KCNK17: variants seen among roughly 807,000 people sequenced by gnomAD.
The protein encoded by KCNK17 is potassium channel subfamily K member 17.
In KCNK17, 27 loss-of-function variants were observed where a neutral mutation model predicts 24.6. The ratio of observed to expected loss-of-function variants is 1.10; its 90% CI spans 0.81 to 1.51. The LOEUF (loss-of-function observed/expected upper bound fraction) is 1.51, where lower values mean the gene tolerates loss of function less well. Among genes scored for constraint, KCNK17 ranks in the 40% most tolerant of loss-of-function variants. KCNK17 has a pLI of 0.00. For missense variants in KCNK17, 450 were observed against 436.6 expected, an observed-to-expected ratio of 1.03 and a Z score of -0.27; for synonymous variants, 181 against 189.8, an observed-to-expected ratio of 0.95 and a Z score of 0.38.
intron 2 of KCNK17, among the ~76,000 whole-genome samples, chr6:39,307,191 G>T (rs1462551679): frequency 6.6e-6 from 1 of 152,176 alleles, no homozygotes; most frequent in Non-Finnish European, 1.5e-5. Flanking sequence ...GGGTAATGAT[G>T]AAATGAGGAA....
rs927890493 is a variant in KCNK17 at position 39,303,950 on chromosome 6, C to G, written c.688+7G>C. ...TCCCCGCCAGCCCAACCGCCAGGAA[C>G]TCTCACCAATCACGTAGTCGCCGAA... On this transcript the variant is annotated splice_region_variant and intron_variant, in intron 4 of 4. Coordinates refer to ENST00000373231, the MANE Select transcript of KCNK17 (RefSeq NM_031460.4). 1.9e-6 allele frequency: 3 copies of G among 1,610,512 alleles called. No individual in the cohort carries two copies. The highest frequency in any genetic ancestry group is 2.7e-5 in the African/African-American group (2 of 74,906).
At chr6:39,300,260 C>T (rs886160738) in intron 4 of KCNK17, 2 of 553,758 alleles carry the variant, frequency 3.6e-6, no homozygotes, top group African/African-American at 1.9e-5. Context: ...GTAGCCGGGA[C>T]TACAGGCGCC....
Position 39,304,078 on chromosome 6 carries a change from G to A in KCNK17, c.567C>T (p.Leu189=), listed in dbSNP as rs570748328. 12 of 1,612,696 alleles carry A rather than the reference G, an allele frequency of 7.4e-6. No individual in the cohort carries two copies. The Admixed American group carries it at 1.8e-4, about 25-fold the overall frequency. ...LAGSGALLSG[L]LLFLLLPPLL... ...GCGGTGGCAGCAGCAGGAAGAGCAG[G>A]AGGCCCGAGAGGAGGGCGCCAGAGC... The change falls in exon 4 of 5, where the codon CTC becomes CTT. Residue 189 remains leucine (L), a synonymous_variant. Coordinates refer to ENST00000373231, the MANE Select transcript of KCNK17 (RefSeq NM_031460.4).
At chr6:39,303,380 C>T (rs1761976569) in intron 4 of KCNK17, among the ~76,000 whole-genome samples, 3 of 152,246 alleles carry the variant, frequency 2.0e-5, no homozygotes, top group Admixed American at 6.5e-5. Flanking sequence ...GGGCATCGGA[C>T]TCAGCCTGAT....
intron 4 of KCNK17, among the ~76,000 whole-genome samples, chr6:39,300,022 T>A (rs1319007952): frequency 2.0e-5 from 3 of 152,212 alleles, no homozygotes; most frequent in Admixed American, 6.5e-5. Flanking sequence ...GCCGGCAGCA[T>A]CAGCATCCCT....
At position 39,304,555 on chromosome 6, in the gene KCNK17, C is replaced by T; in HGVS notation, c.453G>A (p.Leu151=). 1.2e-6 allele frequency: 2 copies of T among 1,614,180 alleles called. No homozygotes were observed. The highest frequency in any genetic ancestry group is 2.2e-5 in the East Asian group (1 of 44,876). Reference sequence around the variant, plus strand: ...TTACTCCCTGCTGCATGAGATGCCCCAGTCGGTTGAGCACCACGAGGTTGA... The same window carrying T: ...TTACTCCCTGCTGCATGAGATGCCCTAGTCGGTTGAGCACCACGAGGTTGA... ...IPLNLVVLNR[L]GHLMQQGVNH... is the part of the protein sequence containing the mutation. The change falls in exon 3 of 5, where the codon CTG becomes CTA. Residue 151 remains leucine (L), a synonymous_variant. Transcript: ENST00000373231.
At chr6:39,308,884 G>A (rs1762081524) in intron 2 of KCNK17, among the ~76,000 whole-genome samples, 1 of 152,164 alleles carries the variant, frequency 6.6e-6, no homozygotes, top group South Asian at 2.1e-4. Flanking sequence ...TACCTCCCAT[G>A]TGTAAGTGCA....
rs947712221 is a variant in KCNK17 at position 39,314,357 on chromosome 6, G to T, written c.-37C>A. ...CGGGGAGCCGGCGCCGGGAGCGGTG[G>T]ACTAGGACCCGGTGGGAGGGAAGGG... On this transcript the variant is annotated 5_prime_UTR_variant, in exon 1 of 5. Transcript: ENST00000373231. 10 of 1,346,790 alleles carry T rather than the reference G, an allele frequency of 7.4e-6. No individual in the cohort carries two copies. The African/African-American group carries it at 1.4e-4, about 19-fold the overall frequency. 83.4% of individuals were successfully genotyped at this position (1,346,790 alleles called of 1,614,324 possible). A position where few individuals can be genotyped will look rare whatever the true frequency, so the allele number is the denominator to read the frequency against.
intron 4 of KCNK17, among the ~76,000 whole-genome samples, chr6:39,301,531 G>A (rs924912606): frequency 6.6e-6 from 1 of 152,246 alleles, no homozygotes; most frequent in Non-Finnish European, 1.5e-5. Flanking sequence ...TCCTAAATGA[G>A]ATCAGGCACT....
intron 2 of KCNK17, among the ~76,000 whole-genome samples, chr6:39,305,656 TGATTA>T (rs1382460740): frequency 6.6e-6 from 1 of 152,222 alleles, no homozygotes; most frequent in Non-Finnish European, 1.5e-5. Context: ...AATGCAAAAC[TGATTA>T]GATCATCATT....
rs11752926 is a variant in KCNK17 at position 39,304,671 on chromosome 6, G to T, written c.353-16C>A. ...TTGCCATAGCCTGAGGTGAGAGGGG[G>T]CACTCAGGGGACATTTCCAGCCCAG... On this transcript the variant is annotated splice_polypyrimidine_tract_variant and intron_variant, in intron 2 of 4. Transcript: ENST00000373231. The T allele has an allele frequency of 0.013, 20,629 of 1,602,586 alleles. 166 individuals are homozygous for T. Among genetic ancestry groups the T allele is most frequent in the Non-Finnish European group, 0.015 (17,815 of 1,170,520 alleles).
At chr6:39,300,311 C>G in intron 4 of KCNK17, 1 of 667,304 alleles carries the variant, frequency 1.5e-6, no homozygotes, top group Non-Finnish European at 2.7e-6. Context: ...TTAGTAGAGA[C>G]GGGGTTTCAC....
At chr6:39,313,501 C>A (rs1221432410) in intron 1 of KCNK17, among the ~76,000 whole-genome samples, 1 of 152,216 alleles carries the variant, frequency 6.6e-6, no homozygotes, top group Non-Finnish European at 1.5e-5. Context: ...ATCCACCCAC[C>A]CTCCGGGACA....
At chr6:39,304,234 G>A (rs1214137850) in intron 3 of KCNK17, 103 bp from the exon 4 acceptor site, 2 of 1,125,406 alleles carry the variant, frequency 1.8e-6, no homozygotes, top group Non-Finnish European at 2.5e-6. Flanking sequence ...TAAGAAGGGG[G>A]CTCTTCACCT....
chr6:39,302,365 G>A (rs1269706868), intron 4 of KCNK17, among the ~76,000 whole-genome samples: 2 of 151,918 alleles, frequency 1.3e-5, no homozygotes, highest in Non-Finnish European at 2.9e-5. Flanking sequence ...AGATTGTATT[G>A]GTAGGAGGGG....
In KCNK17 at chr6:39,299,359, T is replaced by C. The variant is rs976368472; in HGVS notation, c.*68A>G. 4.1e-6 allele frequency: 5 copies of C among 1,231,292 alleles called. No homozygotes were observed. Among genetic ancestry groups the C allele is most frequent in the African/African-American group, 3.0e-5 (2 of 66,192 alleles). The allele number at this position is 1,231,292 out of a possible 1,614,324, so 76.3% of individuals were successfully genotyped here. On this transcript the variant is annotated 3_prime_UTR_variant, in exon 5 of 5. Transcript: ENST00000373231. ...TGGAAAATGTAGTCTTTAGTTTGGGTGGACATGTGCAAAGCTTAAAATCAG... is the reference window on the plus strand; with the variant it reads ...TGGAAAATGTAGTCTTTAGTTTGGGCGGACATGTGCAAAGCTTAAAATCAG...
Position 39,299,334 on chromosome 6 carries a change from T to C in KCNK17, c.*93A>G. ...AGCTGCACCCAGCCTCTAGGGTGGA[T>C]GGAAAATGTAGTCTTTAGTTTGGGT... On this transcript the variant is annotated 3_prime_UTR_variant, in exon 5 of 5. Coordinates refer to ENST00000373231, the MANE Select transcript of KCNK17 (RefSeq NM_031460.4). 1.0e-6 allele frequency: 1 copy of C among 954,938 alleles called. No individual in the cohort carries two copies. The highest frequency in any genetic ancestry group is 2.6e-5 in the East Asian group (1 of 38,182). 59.2% of individuals were successfully genotyped at this position (954,938 alleles called of 1,614,324 possible).
intron 2 of KCNK17, among the ~76,000 whole-genome samples, chr6:39,309,852 C>G (rs969652217): frequency 6.6e-6 from 1 of 152,212 alleles, no homozygotes; most frequent in African/African-American, 2.4e-5. Context: ...TCGGCCCATC[C>G]TGCCAGTCCT....
chr6:39,303,589 T>A (rs565578289), intron 4 of KCNK17, among the ~76,000 whole-genome samples: 86 of 152,198 alleles, frequency 5.7e-4, no homozygotes, highest in Admixed American at 4.4e-3. Flanking sequence ...GATCCCCGGG[T>A]ACTGTGATCT....
Sources: gnomAD v4.1 joint callset for allele counts (sites outside exome capture counted in the v4.1 genomes callset) on GRCh38, gnomAD v4.1.1 for gene constraint, MANE v1.5 for transcripts, NCBI Gene and HGNC (gene_info 2026-07-23, HGNC 2026-07-21) for gene names.